Variants in THSD7B observed in about 807,000 individuals in gnomAD.
THSD7B encodes the protein thrombospondin type-1 domain-containing protein 7B.
Under a neutral mutation model 213.6 loss-of-function variants are expected in THSD7B, and 138 were observed. The ratio of observed to expected loss-of-function variants is 0.65; its 90% confidence interval spans 0.56 to 0.74. THSD7B has a LOEUF of 0.74. THSD7B is among the 30% of genes least tolerant of loss of function. The pLI is 0.00. For missense variants in THSD7B, 1,931 were observed against 1,991.5 expected (o/e 0.97, Z 0.58); for synonymous variants, 742 against 687.0 (o/e 1.08, Z -1.25).
At chr2:137,552,878 G>T (rs1366536973) in intron 15 of THSD7B, among the ~76,000 whole-genome samples, 1 of 152,160 alleles carries the variant, frequency 6.6e-6, no homozygotes, top group Non-Finnish European at 1.5e-5. Flanking sequence ...CATGTGGGGG[G>T]AAAGTGTGAG....
At chr2:137,319,616 A>G (rs1414556230) in intron 12 of THSD7B, among the ~76,000 whole-genome samples, 1 of 152,218 alleles carries the variant, frequency 6.6e-6, no homozygotes, top group Non-Finnish European at 1.5e-5. Context: ...AGATGTTATC[A>G]TGGCTGTTGC....
intron 2 of THSD7B, among the ~76,000 whole-genome samples, chr2:136,982,976 C>T (rs950091573): frequency 6.6e-6 from 1 of 151,872 alleles, no homozygotes; most frequent in African/African-American, 2.4e-5. Flanking sequence ...GACTTCCTCT[C>T]AAGTGCCATG....
chr2:137,350,670 G>C (rs1558766525), intron 12 of THSD7B, among the ~76,000 whole-genome samples: 1 of 151,394 alleles, frequency 6.6e-6, no homozygotes, highest in Non-Finnish European at 1.5e-5. Flanking sequence ...GGAGGGTTGG[G>C]GAGAAGACTG....
intron 2 of THSD7B, among the ~76,000 whole-genome samples, chr2:136,890,680 C>T (rs988354487): frequency 1.3e-5 from 2 of 150,404 alleles, no homozygotes; most frequent in African/African-American, 4.9e-5. Flanking sequence ...GCTGGGATTA[C>T]AGGCATCCAC....
At chr2:137,614,956 T>C (rs1682356181) in intron 17 of THSD7B, among the ~76,000 whole-genome samples, 1 of 152,196 alleles carries the variant, frequency 6.6e-6, no homozygotes, top group Non-Finnish European at 1.5e-5. Flanking sequence ...ATCCCACTTA[T>C]AGAAATGGTG....
intron 12 of THSD7B, among the ~76,000 whole-genome samples, chr2:137,362,408 T>C (rs1256546307): frequency 1.3e-5 from 2 of 152,168 alleles, no homozygotes; most frequent in African/African-American, 2.4e-5. Flanking sequence ...GTGAATGGGC[T>C]AAATGCCCCA....
At chr2:137,506,633 C>T (rs1679841589) in intron 15 of THSD7B, among the ~76,000 whole-genome samples, 1 of 152,202 alleles carries the variant, frequency 6.6e-6, no homozygotes, top group Non-Finnish European at 1.5e-5. Context: ...CAGACTTCTC[C>T]ATTAGCATTT....
chr2:137,095,662 A>G (rs1426103536), intron 4 of THSD7B, among the ~76,000 whole-genome samples: 2 of 152,154 alleles, frequency 1.3e-5, no homozygotes, highest in Admixed American at 6.6e-5. Context: ...GCCAGAGAAT[A>G]TTCGAGAAAG....
chr2:136,886,095 G>A (rs1191511065), intron 2 of THSD7B, among the ~76,000 whole-genome samples: 1 of 152,116 alleles, frequency 6.6e-6, no homozygotes, highest in Non-Finnish European at 1.5e-5. Flanking sequence ...GAGGACATGT[G>A]GGGAGGCCAG....
At chr2:136,807,755 C>A (rs192791801) in intron 1 of THSD7B, among the ~76,000 whole-genome samples, 1 of 152,206 alleles carries the variant, frequency 6.6e-6, no homozygotes, top group East Asian at 1.9e-4. Context: ...ATCCACCCGC[C>A]TCGGCCTCTC....
At chr2:136,959,213 G>A (rs1446265817) in intron 2 of THSD7B, among the ~76,000 whole-genome samples, 2 of 152,180 alleles carry the variant, frequency 1.3e-5, no homozygotes, top group African/African-American at 4.8e-5. Context: ...CATTATACTT[G>A]CTTAATAATT....
intron 6 of THSD7B, among the ~76,000 whole-genome samples, chr2:137,164,610 G>A (rs557526549): frequency 6.6e-6 from 1 of 152,272 alleles, no homozygotes; most frequent in South Asian, 2.1e-4. Flanking sequence ...ACTCACAATA[G>A]CAAATACTTG....
intron 1 of THSD7B, among the ~76,000 whole-genome samples, chr2:136,821,212 C>T (rs1682559218): frequency 6.6e-6 from 1 of 151,932 alleles, no homozygotes; most frequent in East Asian, 1.9e-4. Flanking sequence ...ATTTTTTTTC[C>T]CAGTAATTTG....
intron 1 of THSD7B, among the ~76,000 whole-genome samples, chr2:136,821,534 A>G (rs1682563651): frequency 6.6e-6 from 1 of 152,120 alleles, no homozygotes; most frequent in East Asian, 1.9e-4. Context: ...AGGGCATGGT[A>G]GTGGCTGATG....
chr2:136,821,406 G>A (rs1472372606), intron 1 of THSD7B, among the ~76,000 whole-genome samples: 4 of 152,124 alleles, frequency 2.6e-5, no homozygotes, highest in Non-Finnish European at 4.4e-5. Flanking sequence ...AGAACTCCCT[G>A]GGCCTGACTC....
intron 20 of THSD7B, among the ~76,000 whole-genome samples, chr2:137,622,336 G>T (rs543098999): frequency 6.6e-6 from 1 of 152,194 alleles, no homozygotes; most frequent in Admixed American, 6.5e-5. Context: ...AGTTCTTCCA[G>T]CTTTGAGCCT....
intron 17 of THSD7B, among the ~76,000 whole-genome samples, chr2:137,599,116 G>A (rs997132352): frequency 9.7e-5 from 14 of 144,424 alleles, no homozygotes; most frequent in Admixed American, 2.2e-4. Context: ...TCCCACCTAT[G>A]AGTGAGAATA....
At chr2:137,549,307 G>A (rs993178300) in intron 15 of THSD7B, among the ~76,000 whole-genome samples, 8 of 76,252 alleles carry the variant, frequency 1.0e-4, no homozygotes, top group African/African-American at 5.0e-4. Flanking sequence ...TTTTTCAGAT[G>A]CTCTTTTTTT....
intron 12 of THSD7B, among the ~76,000 whole-genome samples, chr2:137,346,377 C>T (rs555152488): frequency 2.5e-4 from 38 of 151,484 alleles, no homozygotes; most frequent in African/African-American, 8.0e-4. Flanking sequence ...GCATGATGTC[C>T]GCCAGGTTCA....
Sources: gnomAD v4.1 joint callset for allele counts (sites outside exome capture counted in the v4.1 genomes callset) on GRCh38, gnomAD v4.1.1 for gene constraint, MANE v1.5 for transcripts, NCBI Gene and HGNC (gene_info 2026-07-23, HGNC 2026-07-21) for gene names.